The following PRKN variants were observed in gnomAD, a reference collection of about 807,000 sequenced individuals.
The protein encoded by PRKN is E3 ubiquitin-protein ligase parkin.
In PRKN, 56 loss-of-function variants were observed where a neutral mutation model predicts 59.5. The ratio of observed to expected loss-of-function variants is 0.94; its 90% confidence interval spans 0.76 to 1.18. The LOEUF is 1.18. PRKN is among the 50% of genes most tolerant of loss of function. The probability of loss-of-function intolerance (pLI) is 0.00; values close to 1 mark genes in which losing one functional copy is unlikely to be tolerated. For missense variants in PRKN, 657 were observed against 596.4 expected (o/e 1.10, Z -1.06); for synonymous variants, 250 against 222.1 (o/e 1.13, Z -1.12).
rs1034128630 is a variant in PRKN at position 161,526,255 on chromosome 6, C to T, written c.1083+22599G>A. On this transcript the variant is annotated intron_variant, in intron 9 of 11. Coordinates refer to ENST00000366898, the MANE Select transcript of PRKN (RefSeq NM_004562.3). The surrounding 1 kb of genome is among the most constrained non-coding windows in gnomAD (Gnocchi z 4.1). ...TCCTGTGAACCTGGTACAGCTGGCT[C>T]CAGCCTCCAGTAGACACTCATGTGT... Among the ~76,000 whole-genome samples, 4 of 152,320 alleles carry T rather than the reference C, an allele frequency of 2.6e-5. No individual in the cohort carries two copies. Among genetic ancestry groups the T allele is most frequent in the African/African-American group, 9.6e-5 (4 of 41,586 alleles).
chr6:161,953,256 T>C (rs1047835640), intron 6 of PRKN, among the ~76,000 whole-genome samples: 9 of 151,992 alleles, frequency 5.9e-5, no homozygotes, highest in African/African-American at 2.2e-4. Context: ...GGACCACAGG[T>C]GTGTGCCACC....
intron 4 of PRKN, among the ~76,000 whole-genome samples, chr6:162,103,130 G>T (rs1246796467): frequency 1.3e-5 from 2 of 151,228 alleles, no homozygotes; most frequent in Admixed American, 6.6e-5. Context: ...AAAAAAACAG[G>T]ATCAGAGGGT....
chr6:162,643,900 T>A (rs1390382899), intron 1 of PRKN: 1 of 152,202 alleles, frequency 6.6e-6, no homozygotes, highest in Non-Finnish European at 1.5e-5. Context: ...ACTTCCATAA[T>A]TTTTCAAATT....
At chr6:162,435,629 G>T (rs576077270) in intron 2 of PRKN, among the ~76,000 whole-genome samples, 1 of 152,272 alleles carries the variant, frequency 6.6e-6, no homozygotes, top group Admixed American at 6.5e-5. Flanking sequence ...ACACTTACTA[G>T]TTCGTATAAT....
intron 6 of PRKN, among the ~76,000 whole-genome samples, chr6:161,828,137 T>C (rs1287612687): frequency 6.6e-6 from 1 of 152,202 alleles, no homozygotes; most frequent in Non-Finnish European, 1.5e-5. Flanking sequence ...CAAATCTTAT[T>C]TACCACACAA....
chr6:162,118,338 G>A (rs1480227175), intron 4 of PRKN, among the ~76,000 whole-genome samples: 6 of 151,260 alleles, frequency 4.0e-5, no homozygotes, highest in Non-Finnish European at 8.8e-5. Flanking sequence ...GCCGGGAGGT[G>A]GAGCTTGCAG....
At chr6:162,455,795 T>C (rs922695418) in intron 1 of PRKN, among the ~76,000 whole-genome samples, 1 of 152,142 alleles carries the variant, frequency 6.6e-6, no homozygotes, top group African/African-American at 2.4e-5. Flanking sequence ...ATTATAAATA[T>C]TGTATTGACA....
chr6:162,262,585 C>T lies in PRKN; in HGVS notation c.352G>A (p.Gly118Arg). The T allele has an allele frequency of 6.2e-7, 1 of 1,613,174 alleles. No homozygotes were observed. The highest frequency in any genetic ancestry group is 8.5e-7 in the Non-Finnish European group (1 of 1,179,210). ...TCAGTGTGCAGAATGACAGCCAGCCCCACAGAGTCTCCTGGGAGGACTGAG... is the reference window on the plus strand; with the variant it reads ...TCAGTGTGCAGAATGACAGCCAGCCTCACAGAGTCTCCTGGGAGGACTGAG... ...SSSVLPGDSVGLAVILHTDSR... is the reference protein window; with the variant it reads ...SSSVLPGDSVRLAVILHTDSR... Residue 118 changes from glycine (G) to arginine (R), a missense_variant, in exon 3 of 12, where the codon GGG (glycine) becomes AGG (arginine). Gly to Arg is a moderately radical substitution (Grantham distance 125, BLOSUM62 -2). Coordinates refer to ENST00000366898, the MANE Select transcript of PRKN (RefSeq NM_004562.3).
At chr6:161,680,767 A>T (rs1396951619) in intron 7 of PRKN, among the ~76,000 whole-genome samples, 1,646 of 12,174 alleles carry the variant, frequency 0.14, 207 homozygotes, top group African/African-American at 0.34. Flanking sequence ...ATATATATAT[A>T]TATATATATT....
At chr6:162,535,330 T>C (rs919162175) in intron 1 of PRKN, among the ~76,000 whole-genome samples, 1 of 152,108 alleles carries the variant, frequency 6.6e-6, no homozygotes, top group East Asian at 1.9e-4. Context: ...TTCAGATAAC[T>C]TTTAGAGTCC....
Position 161,425,572 on chromosome 6 carries a change from A to G in PRKN, c.1084-38695T>C, listed in dbSNP as rs549487522. ...TCCTTGTCTTTTGAGATCAGAATCCACAGATTTTCATTTCTGATGCACCAG... is the reference window on the plus strand; with the variant it reads ...TCCTTGTCTTTTGAGATCAGAATCCGCAGATTTTCATTTCTGATGCACCAG... On this transcript the variant is annotated intron_variant, in intron 9 of 11. Coordinates refer to ENST00000366898, the MANE Select transcript of PRKN (RefSeq NM_004562.3). 2.6e-5 allele frequency among the ~76,000 whole-genome samples: 4 copies of G among 152,228 alleles called. No individual in the cohort carries two copies. The East Asian group carries it at 7.7e-4, about 29-fold the overall frequency.
chr6:161,771,191 C>A (rs575551872), intron 7 of PRKN, among the ~76,000 whole-genome samples: 1 of 151,718 alleles, frequency 6.6e-6, no homozygotes, highest in South Asian at 2.1e-4. Flanking sequence ...CCTGTCTCTA[C>A]TAAAAATATA....
At chr6:162,349,196 G>A (rs949946085) in intron 2 of PRKN, among the ~76,000 whole-genome samples, 28 of 151,714 alleles carry the variant, frequency 1.8e-4, no homozygotes, top group Admixed American at 4.6e-4. Context: ...GGCCTGGCAC[G>A]GTGGCTCACG....
intron 6 of PRKN, among the ~76,000 whole-genome samples, chr6:161,938,747 A>C (rs1029877823): frequency 6.6e-6 from 1 of 152,238 alleles, no homozygotes. Flanking sequence ...CTTTAAAATT[A>C]ATGCAAATTA....
chr6:162,258,407 C>T (rs1279667920), intron 3 of PRKN, among the ~76,000 whole-genome samples: 1 of 152,168 alleles, frequency 6.6e-6, no homozygotes, highest in African/African-American at 2.4e-5. Flanking sequence ...CCAATAGCTT[C>T]ATCTCATCTG....
At chr6:162,343,584 GTTTT>G (rs1236546803) in intron 2 of PRKN, among the ~76,000 whole-genome samples, 1 of 152,122 alleles carries the variant, frequency 6.6e-6, no homozygotes, top group Non-Finnish European at 1.5e-5. Flanking sequence ...ACTAGATGGG[GTTTT>G]TTTAAGTGTA....
In PRKN at chr6:162,716,285, C is replaced by G. The variant is rs112858840; in HGVS notation, c.7+11377G>C. ...CCAAATGTTTCTGTTAAAACTGCCTCAAGAAACCAAATTCTATGCTGACAT... is the reference window on the plus strand; with the variant it reads ...CCAAATGTTTCTGTTAAAACTGCCTGAAGAAACCAAATTCTATGCTGACAT... On this transcript the variant is annotated intron_variant, in intron 1 of 11. Transcript: ENST00000366898. Among the ~76,000 whole-genome samples, 1,244 of 152,320 alleles carry G rather than the reference C, an allele frequency of 8.2e-3. 19 individuals are homozygous for G. The highest frequency in any genetic ancestry group is 0.037 in the South Asian group (178 of 4,826).
At chr6:161,659,021 G>A (rs1443093249) in intron 7 of PRKN, among the ~76,000 whole-genome samples, 2 of 152,194 alleles carry the variant, frequency 1.3e-5, no homozygotes, top group African/African-American at 4.8e-5. Context: ...TGAGCACAGC[G>A]ACTACCATTT....
At chr6:161,755,252 T>C (rs1315644405) in intron 7 of PRKN, among the ~76,000 whole-genome samples, 1 of 152,016 alleles carries the variant, frequency 6.6e-6, no homozygotes, top group East Asian at 1.9e-4. Flanking sequence ...ATCCATACTC[T>C]CTGCAATGAT....
Sources: gnomAD v4.1 joint callset for allele counts (sites outside exome capture counted in the v4.1 genomes callset) on GRCh38, gnomAD v4.1.1 for gene constraint, Gnocchi (gnomAD v3.1) non-coding constraint, MANE v1.5 for transcripts, NCBI Gene and HGNC (gene_info 2026-07-23, HGNC 2026-07-21) for gene names.